Variants in FBXL20 observed in about 807,000 individuals in gnomAD.
FBXL20 encodes the protein F-box/LRR-repeat protein 20.
FBXL20 carries 11 observed loss-of-function variants against 64.0 expected under a neutral mutation model. The ratio of observed to expected loss-of-function variants is 0.17; its 90% CI spans 0.11 to 0.28. The LOEUF is 0.28. FBXL20 is among the 10% of genes least tolerant of loss of function. The pLI is 1.00. For missense variants in FBXL20, 303 were observed against 526.2 expected (o/e 0.58, Z 4.15); for synonymous variants, 184 against 189.0 (o/e 0.97, Z 0.22).
intron 6 of FBXL20, among the ~76,000 whole-genome samples, chr17:39,296,207 G>A (rs1002274437): frequency 1.3e-5 from 2 of 152,094 alleles, no homozygotes; most frequent in Non-Finnish European, 2.9e-5. Context: ...AATGGTGGGG[G>A]AAGAGGTTAG....
At chr17:39,306,275 C>T (rs957029815) in intron 2 of FBXL20, among the ~76,000 whole-genome samples, 4 of 151,626 alleles carry the variant, frequency 2.6e-5, no homozygotes, top group Non-Finnish European at 4.4e-5. Flanking sequence ...CTCAGCCTTC[C>T]GAGTAGCTGG....
chr17:39,304,409 TCCTGAGTAGCTGGGATAACAGGC>T (rs2047163335), intron 2 of FBXL20, among the ~76,000 whole-genome samples: 1 of 152,080 alleles, frequency 6.6e-6, no homozygotes, highest in Non-Finnish European at 1.5e-5. Flanking sequence ...CACCTCAGCC[TCCTGAGTAGCTGGGATAACAGGC>T]ACATGCCACA....
intron 2 of FBXL20, among the ~76,000 whole-genome samples, chr17:39,330,233 G>A (rs1851174239): frequency 6.6e-6 from 1 of 151,988 alleles, no homozygotes; most frequent in South Asian, 2.1e-4. Context: ...GGAGGCTGAG[G>A]TTGCAGTGAG....
chr17:39,379,642 G>T (rs1296410116), intron 1 of FBXL20, among the ~76,000 whole-genome samples: 1 of 151,714 alleles, frequency 6.6e-6, no homozygotes, highest in South Asian at 2.1e-4. Flanking sequence ...TTAGCTGGGC[G>T]TGGTGGTACC....
At chr17:39,360,716 G>T (rs1314449245) in intron 1 of FBXL20, among the ~76,000 whole-genome samples, 1 of 152,132 alleles carries the variant, frequency 6.6e-6, no homozygotes, top group Non-Finnish European at 1.5e-5. Flanking sequence ...CTTCCCGAAC[G>T]CTGGCCTTGC....
At chr17:39,379,961 C>G (rs2048006559) in intron 1 of FBXL20, among the ~76,000 whole-genome samples, 1 of 151,954 alleles carries the variant, frequency 6.6e-6, no homozygotes, top group Non-Finnish European at 1.5e-5. Flanking sequence ...CCTGAGTTGA[C>G]AGAGTGAGAC....
intron 1 of FBXL20, among the ~76,000 whole-genome samples, chr17:39,367,922 C>A (rs1346459906): frequency 2.6e-5 from 4 of 151,826 alleles, no homozygotes; most frequent in Non-Finnish European, 5.9e-5. Context: ...CCCCACCACA[C>A]CCAGCTAATT....
intron 1 of FBXL20, among the ~76,000 whole-genome samples, chr17:39,391,557 C>T (rs1003668882): frequency 4.6e-5 from 7 of 152,000 alleles, no homozygotes; most frequent in Admixed American, 3.3e-4. Flanking sequence ...AAAAAAAACA[C>T]AAATTTATAT....
intron 6 of FBXL20, among the ~76,000 whole-genome samples, chr17:39,293,544 T>TA (rs570105428): frequency 8.8e-4 from 134 of 152,096 alleles, no homozygotes; most frequent in Non-Finnish European, 1.7e-3. Context: ...ATAAAATAAA[T>TA]AAAAAAATAA....
chr17:39,265,188 A>T (rs2046780110), intron 13 of FBXL20, among the ~76,000 whole-genome samples: 2 of 152,234 alleles, frequency 1.3e-5, no homozygotes, highest in Admixed American at 1.3e-4. Flanking sequence ...TCAGTCTTCA[A>T]GCATTGATAT....
At chr17:39,330,709 G>T (rs544970686) in intron 2 of FBXL20, among the ~76,000 whole-genome samples, 1 of 152,196 alleles carries the variant, frequency 6.6e-6, no homozygotes, top group Admixed American at 6.5e-5. Context: ...CTCTCCCTGA[G>T]AGACTAAAAC....
At chr17:39,288,247 A>G (rs762987566) in intron 6 of FBXL20, among the ~76,000 whole-genome samples, 3 of 151,942 alleles carry the variant, frequency 2.0e-5, no homozygotes, top group Non-Finnish European at 4.4e-5. Flanking sequence ...GATTGCACAC[A>G]TGGTGAGCCA....
At chr17:39,342,314 C>T (rs545117878) in intron 2 of FBXL20, among the ~76,000 whole-genome samples, 1 of 151,958 alleles carries the variant, frequency 6.6e-6, no homozygotes, top group African/African-American at 2.4e-5. Context: ...GTCTGTAATC[C>T]CAGCACCCTG....
chr17:39,401,068 T>C (rs1363632887), intron 1 of FBXL20, among the ~76,000 whole-genome samples: 3 of 151,950 alleles, frequency 2.0e-5, no homozygotes, highest in African/African-American at 7.3e-5. Context: ...AAGGGTTGTG[T>C]AAAGAATGGA....
chr17:39,274,004 G>A (rs1347177317), intron 10 of FBXL20, among the ~76,000 whole-genome samples: 2 of 151,810 alleles, frequency 1.3e-5, no homozygotes, highest in African/African-American at 4.8e-5. Flanking sequence ...CTCCTGAGTA[G>A]CTGGGACTAC....
At chr17:39,264,440 T>C (rs1348888216) in intron 13 of FBXL20, 53 bp from the exon 14 acceptor site, 6 of 1,569,060 alleles carry the variant, frequency 3.8e-6, no homozygotes, top group Non-Finnish European at 4.4e-6. Flanking sequence ...GGCATTCCTC[T>C]AGCCAGAGGC....
chr17:39,380,326 C>G (rs575781882), intron 1 of FBXL20, among the ~76,000 whole-genome samples: 1 of 152,312 alleles, frequency 6.6e-6, no homozygotes, highest in African/African-American at 2.4e-5. Flanking sequence ...ACCACCACCA[C>G]CACCCTGTTC....
At chr17:39,263,854 G>C (rs1597757555) in intron 14 of FBXL20, 1 of 207,740 alleles carries the variant, frequency 4.8e-6, no homozygotes, top group Non-Finnish European at 9.6e-6. Context: ...CTTTCCTTTA[G>C]AACAAAAATG....
At chr17:39,368,530 T>C (rs1204706262) in intron 1 of FBXL20, among the ~76,000 whole-genome samples, 2 of 152,204 alleles carry the variant, frequency 1.3e-5, no homozygotes, top group Non-Finnish European at 2.9e-5. Context: ...GTCCTGAGTT[T>C]TGTTGAGTAT....
Sources: allele counts gnomAD v4.1 joint callset (sites outside exome capture counted in the v4.1 genomes callset), GRCh38; gene constraint gnomAD v4.1.1; transcripts MANE v1.5; gene names NCBI Gene and HGNC (gene_info 2026-07-23, HGNC 2026-07-21).